The following ACTN2 variants were observed in gnomAD, a reference collection of about 807,000 sequenced individuals.
ACTN2 encodes the protein actinin alpha 2, also known as alpha-actinin-2.
ACTN2 carries 39 observed loss-of-function variants against 113.8 expected under a neutral mutation model. That is an observed-to-expected ratio of 0.34 (90% CI 0.27 to 0.45). The LOEUF (loss-of-function observed/expected upper bound fraction) is 0.45. Among genes scored for constraint, ACTN2 ranks in the 20% least tolerant of loss-of-function variants. The pLI, the probability that ACTN2 is intolerant of heterozygous loss-of-function variation, is 1.00. For missense variants in ACTN2, 992 were observed against 1,177.9 expected, an observed-to-expected ratio of 0.84 and a Z score of 2.31; for synonymous variants, 429 against 444.1, an observed-to-expected ratio of 0.97 and a Z score of 0.43.
intron 7 of ACTN2, 125 bp from the exon 8 acceptor site, chr1:236,735,510 C>T: frequency 1.2e-6 from 1 of 851,738 alleles, no homozygotes; most frequent in Non-Finnish European, 2.0e-6. Context: ...GCCCATGAAA[C>T]ACAGAAATCT....
intron 1 of ACTN2, among the ~76,000 whole-genome samples, chr1:236,705,426 T>TA (rs746068015): frequency 6.6e-6 from 1 of 152,202 alleles, no homozygotes; most frequent in Non-Finnish European, 1.5e-5. Context: ...GGTAAGCCGT[T>TA]ACAACCAGTC....
At position 236,749,222 on chromosome 1, in the gene ACTN2, T is replaced by C. The variant is rs368615266; in HGVS notation, c.1614T>C (p.Asp538=). The C allele has an allele frequency of 1.4e-5, 22 of 1,614,098 alleles. No homozygotes were observed. The highest frequency in any genetic ancestry group is 1.9e-5 in the Non-Finnish European group (22 of 1,180,042). ...ATTGGATGGAGGGCGCTATGGAGGA[T>C]CTGCAAGATATGTTCATTGTCCACA... The part of the protein sequence containing the change: ...FNNWMEGAME[D]LQDMFIVHSI... Residue 538 remains aspartate, a synonymous_variant, in exon 14 of 21, where the codon GAT becomes GAC. Transcript: ENST00000366578.
chr1:236,747,970 C>A, intron 13 of ACTN2, 195 bp downstream of exon 13: 2 of 585,782 alleles, frequency 3.4e-6, no homozygotes, highest in Non-Finnish European at 6.1e-6. Context: ...TTTATCCAGA[C>A]AGCAGCGAAG....
At chr1:236,753,760 C>T in intron 15 of ACTN2, 187 bp from the exon 16 acceptor site, 1 of 730,784 alleles carries the variant, frequency 1.4e-6, no homozygotes, top group Non-Finnish European at 2.4e-6. Context: ...AAATCAAGCT[C>T]ATCCTGTAGT....
intron 1 of ACTN2, 119 bp downstream of exon 1, chr1:236,686,918 C>A: frequency 8.8e-7 from 1 of 1,135,026 alleles, no homozygotes; most frequent in Non-Finnish European, 1.1e-6. Flanking sequence ...AGGTGCTGTG[C>A]TGTCCTGTGC....
At chr1:236,748,642 A>C (rs910522262) in intron 13 of ACTN2, among the ~76,000 whole-genome samples, 2 of 152,134 alleles carry the variant, frequency 1.3e-5, no homozygotes, top group Non-Finnish European at 2.9e-5. Flanking sequence ...CTGAATGAGG[A>C]TTTGAGAGCA....
chr1:236,717,053 T>G (rs1478726725), intron 1 of ACTN2, among the ~76,000 whole-genome samples: 2 of 111,778 alleles, frequency 1.8e-5, no homozygotes, highest in Non-Finnish European at 3.6e-5. Flanking sequence ...CAGGCTGGTC[T>G]CGAACTCCTG....
chr1:236,757,328 C>T (rs1009314487), intron 17 of ACTN2, among the ~76,000 whole-genome samples, 158 bp from the exon 18 acceptor site: 2 of 152,166 alleles, frequency 1.3e-5, no homozygotes, highest in Non-Finnish European at 2.9e-5. Flanking sequence ...AATCTTGCAA[C>T]AGATGACAAA....
Position 236,686,653 on chromosome 1 carries a change from A to G in ACTN2, c.-21A>G, listed in dbSNP as rs373785727. 1.9e-6 allele frequency: 3 copies of G among 1,544,854 alleles called. No homozygotes were observed. The African/African-American group carries it at 4.3e-5, about 22-fold the overall frequency. On this transcript the variant is annotated 5_prime_UTR_variant, in exon 1 of 21. Coordinates refer to ENST00000366578, the MANE Select transcript of ACTN2 (RefSeq NM_001103.4). ...GTCCGAGCCCCTCGCGCCCCGCCGC[A>G]GCCCCGGCCAACCGAGCGCCATGAA...
Position 236,720,086 on chromosome 1 carries a change from G to GTTGT in ACTN2, c.362-16_362-13dup, listed in dbSNP as rs1658339284. 2 of 1,531,212 alleles carry GTTGT rather than the reference G, an allele frequency of 1.3e-6. No homozygotes were observed. Among genetic ancestry groups the GTTGT allele is most frequent in the African/African-American group, 1.4e-5 (1 of 73,654 alleles). The allele number at this position is 1,531,212 out of a possible 1,614,324, so 94.9% of individuals were successfully genotyped here. On this transcript the variant is annotated intron_variant, in intron 3 of 20. Transcript: ENST00000366578. ...GACTATGTTATCTTTACATTAATTT[G>GTTGT]TTGTTTTCTTACCTGCAGAAATTGT...
At chr1:236,747,852 G>A in intron 13 of ACTN2, 77 bp downstream of exon 13, 1 of 1,131,756 alleles carries the variant, frequency 8.8e-7, no homozygotes, top group Non-Finnish European at 1.3e-6. Context: ...TATTCATTGT[G>A]TGTTTCTCTG....
intron 5 of ACTN2, among the ~76,000 whole-genome samples, chr1:236,726,352 C>T (rs1385114593): frequency 6.6e-6 from 1 of 152,152 alleles, no homozygotes; most frequent in African/African-American, 2.4e-5. Context: ...TGTTGTTTCT[C>T]AGGGATGAGG....
rs541056224 is a variant in ACTN2, at chr1:236,757,993, C to A, written c.2301+361C>A. 1.4e-3 allele frequency among the ~76,000 whole-genome samples: 214 copies of A among 152,302 alleles called. 4 individuals are homozygous for A. The South Asian group carries it at 0.043, about 31-fold the overall frequency. On this transcript the variant is annotated intron_variant, in intron 18 of 20. Coordinates refer to ENST00000366578, the MANE Select transcript of ACTN2 (RefSeq NM_001103.4). Reference sequence around the variant, plus strand: ...AAAACTCTGATATGCTTTTCCTAAGCAACTGTTTAGGAAAAGCATCTGGTC... The same window carrying A: ...AAAACTCTGATATGCTTTTCCTAAGAAACTGTTTAGGAAAAGCATCTGGTC...
chr1:236,739,383 C>T lies in ACTN2; in HGVS notation c.958C>T (p.Leu320=). The change falls in exon 10 of 21, where the codon CTG becomes TTG. Residue 320 remains leucine, a synonymous_variant. Coordinates refer to ENST00000366578, the MANE Select transcript of ACTN2 (RefSeq NM_001103.4). ...GACCATGCAAGCCATGCAGAAGAAG[C>T]TGGAGGACTTCCGGGATTACCGCCG... ...EKTMQAMQKK[L]EDFRDYRRKH... 6.2e-7 allele frequency: 1 copy of T among 1,614,142 alleles called. No homozygotes were observed.
At chr1:236,709,468 A>G (rs1465842740) in intron 1 of ACTN2, among the ~76,000 whole-genome samples, 4 of 151,288 alleles carry the variant, frequency 2.6e-5, no homozygotes, top group South Asian at 4.2e-4. Flanking sequence ...GTTCTGAGCC[A>G]TGACTGCAGG....
At chr1:236,709,344 G>GTATA (rs143270971) in intron 1 of ACTN2, among the ~76,000 whole-genome samples, 4,413 of 133,832 alleles carry the variant, frequency 0.033, 259 homozygotes, top group African/African-American at 0.11. Context: ...ATATATACGT[G>GTATA]TATATATATA....
At chr1:236,752,709 G>A (rs1425057866) in intron 15 of ACTN2, among the ~76,000 whole-genome samples, 8 of 151,916 alleles carry the variant, frequency 5.3e-5, no homozygotes, top group Admixed American at 1.3e-4. Context: ...CCGCCACCAC[G>A]CCTGGCTAAT....
intron 1 of ACTN2, among the ~76,000 whole-genome samples, chr1:236,705,719 T>G (rs1657804757): frequency 6.6e-6 from 1 of 152,234 alleles, no homozygotes; most frequent in Non-Finnish European, 1.5e-5. Flanking sequence ...CTTTCCAAAT[T>G]CCATAGTTTC....
intron 15 of ACTN2, among the ~76,000 whole-genome samples, chr1:236,751,941 T>C (rs1659408709): frequency 6.6e-6 from 1 of 152,124 alleles, no homozygotes; most frequent in African/African-American, 2.4e-5. Flanking sequence ...AAGGAAATGG[T>C]TTTTAAAGCC....
Sources: gnomAD v4.1 joint callset for allele counts (sites outside exome capture counted in the v4.1 genomes callset) on GRCh38, gnomAD v4.1.1 for gene constraint, MANE v1.5 for transcripts, NCBI Gene and HGNC (gene_info 2026-07-23, HGNC 2026-07-21) for gene names.